Variants in SDK1 observed in about 807,000 individuals in gnomAD.
SDK1 encodes the protein sidekick cell adhesion molecule 1.
A neutral mutation model predicts 245.5 loss-of-function variants in SDK1; 157 were observed. That is an observed-to-expected ratio of 0.64 (90% CI 0.56 to 0.73). The LOEUF is 0.73. Ranked by LOEUF, SDK1 falls within the 30% of genes least tolerant of loss-of-function variation. SDK1 has a pLI of 0.00. For missense variants in SDK1, 3,583 were observed against 3,002.3 expected, an observed-to-expected ratio of 1.19 and a Z score of -4.52; for synonymous variants, 1,647 against 1,278.5, an observed-to-expected ratio of 1.29 and a Z score of -6.15.
At chr7:4,139,573 GTGTGTGTGTA>G (rs1779375838) in intron 28 of SDK1, among the ~76,000 whole-genome samples, 1 of 24,212 alleles carries the variant, frequency 4.1e-5, no homozygotes, top group African/African-American at 2.0e-4. Context: ...GTGTGTATAT[GTGTGTGTGTA>G]TGTGTGTGTA....
At chr7:3,440,810 C>A (rs980034599) in intron 1 of SDK1, among the ~76,000 whole-genome samples, 1 of 152,052 alleles carries the variant, frequency 6.6e-6, no homozygotes, top group African/African-American at 2.4e-5. Flanking sequence ...AAAGTTATGG[C>A]CACAATGTGT....
intron 1 of SDK1, among the ~76,000 whole-genome samples, chr7:3,596,778 C>T (rs934995905): frequency 6.6e-6 from 1 of 152,074 alleles, no homozygotes; most frequent in African/African-American, 2.4e-5. Context: ...AATCAGAAGC[C>T]CCCAGGCTAG....
At chr7:3,748,572 G>C (rs893102104) in intron 4 of SDK1, among the ~76,000 whole-genome samples, 9 of 152,154 alleles carry the variant, frequency 5.9e-5, no homozygotes, top group African/African-American at 2.2e-4. Flanking sequence ...ACACTATTCA[G>C]TCACATGGAT....
chr7:3,430,682 C>G (rs767215781), intron 1 of SDK1, among the ~76,000 whole-genome samples: 2 of 152,206 alleles, frequency 1.3e-5, no homozygotes, highest in Non-Finnish European at 2.9e-5. Context: ...ATGACATTGA[C>G]TGACCCAACT....
intron 1 of SDK1, among the ~76,000 whole-genome samples, chr7:3,334,046 T>G (rs1780136787): frequency 6.6e-6 from 1 of 152,200 alleles, no homozygotes; most frequent in Non-Finnish European, 1.5e-5. Flanking sequence ...TTCAGTTTCA[T>G]TCTTAACCCA....
intron 19 of SDK1, among the ~76,000 whole-genome samples, chr7:4,066,962 C>G (rs1225119070): frequency 6.6e-6 from 1 of 152,186 alleles, no homozygotes; most frequent in Admixed American, 6.5e-5. Flanking sequence ...GTGGCATCCT[C>G]TGATCCTAGG....
intron 40 of SDK1, among the ~76,000 whole-genome samples, chr7:4,224,027 C>T (rs4723505): frequency 0.38 from 57,786 of 151,910 alleles, 11,317 homozygotes; most frequent in South Asian, 0.42. Context: ...ACTCTTCATA[C>T]GTCTTCCAAG....
chr7:3,794,007 G>C (rs550080706), intron 4 of SDK1, among the ~76,000 whole-genome samples: 4 of 152,054 alleles, frequency 2.6e-5, no homozygotes, highest in Admixed American at 2.6e-4. Flanking sequence ...CCTAGTAGTC[G>C]GCTGCCCTCA....
At chr7:3,803,976 G>C (rs933621972) in intron 4 of SDK1, among the ~76,000 whole-genome samples, 4 of 152,054 alleles carry the variant, frequency 2.6e-5, no homozygotes, top group Non-Finnish European at 5.9e-5. Context: ...ATGTTAGCCA[G>C]GATGGTCTCG....
intron 3 of SDK1, among the ~76,000 whole-genome samples, chr7:3,639,392 G>A (rs1374296656): frequency 6.6e-6 from 1 of 152,160 alleles, no homozygotes; most frequent in African/African-American, 2.4e-5. Context: ...TCTGTTTTAG[G>A]AATCAGCTGC....
At chr7:4,174,606 G>T (rs901978936) in intron 33 of SDK1, among the ~76,000 whole-genome samples, 1 of 152,172 alleles carries the variant, frequency 6.6e-6, no homozygotes, top group African/African-American at 2.4e-5. Flanking sequence ...GGGGAGAGCA[G>T]TTGCCAGGCC....
At chr7:3,315,417 G>A (rs1779640491) in intron 1 of SDK1, among the ~76,000 whole-genome samples, 1 of 152,110 alleles carries the variant, frequency 6.6e-6, no homozygotes, top group Non-Finnish European at 1.5e-5. Flanking sequence ...GTGCACCCCT[G>A]TCTCTGGAGC....
chr7:3,939,671 A>G (rs1209360498), intron 5 of SDK1, among the ~76,000 whole-genome samples: 1 of 152,178 alleles, frequency 6.6e-6, no homozygotes, highest in Non-Finnish European at 1.5e-5. Flanking sequence ...GGAGATATAT[A>G]CATATATATG....
intron 13 of SDK1, among the ~76,000 whole-genome samples, chr7:3,981,387 C>T (rs904990381): frequency 6.6e-6 from 1 of 152,096 alleles, no homozygotes; most frequent in South Asian, 2.1e-4. Flanking sequence ...TGAAATTTGG[C>T]CAGTTAATAA....
chr7:3,397,349 T>C (rs1778741576), intron 1 of SDK1, among the ~76,000 whole-genome samples: 1 of 152,016 alleles, frequency 6.6e-6, no homozygotes, highest in Non-Finnish European at 1.5e-5. Flanking sequence ...AGTAATCCTT[T>C]AGTGTTTCTT....
At chr7:3,565,404 G>A (rs1467309415) in intron 1 of SDK1, among the ~76,000 whole-genome samples, 1 of 152,174 alleles carries the variant, frequency 6.6e-6, no homozygotes, top group African/African-American at 2.4e-5. Flanking sequence ...CATTACCTCT[G>A]CTGCTACTTA....
At chr7:3,953,420 C>G (rs1780989775) in intron 7 of SDK1, among the ~76,000 whole-genome samples, 1 of 152,188 alleles carries the variant, frequency 6.6e-6, no homozygotes, top group Non-Finnish European at 1.5e-5. Context: ...ACATGAGAGG[C>G]CTGAGCTGGT....
At chr7:3,779,885 T>C (rs1157481004) in intron 4 of SDK1, among the ~76,000 whole-genome samples, 1 of 149,238 alleles carries the variant, frequency 6.7e-6, no homozygotes, top group East Asian at 2.0e-4. Context: ...TGAGCCGAGA[T>C]TGCACCACTG....
intron 22 of SDK1, among the ~76,000 whole-genome samples, chr7:4,104,299 A>C (rs1025429296): frequency 1.3e-5 from 2 of 152,160 alleles, no homozygotes; most frequent in Admixed American, 1.3e-4. Flanking sequence ...GGACTCAAGC[A>C]AACCTCCCGC....
Sources: allele counts gnomAD v4.1 joint callset (sites outside exome capture counted in the v4.1 genomes callset), GRCh38; gene constraint gnomAD v4.1.1; transcripts MANE v1.5; gene names NCBI Gene and HGNC (gene_info 2026-07-23, HGNC 2026-07-21).